Variants in DPYD observed in about 807,000 individuals in gnomAD.
The protein encoded by DPYD is dihydropyrimidine dehydrogenase [NADP(+)].
A neutral mutation model predicts 116.2 loss-of-function variants in DPYD; 109 were observed. The observed-to-expected ratio is 0.94, with a 90% confidence interval of 0.80 to 1.10. DPYD has a LOEUF of 1.10. Among genes scored for constraint, DPYD ranks in the 50% least tolerant of loss-of-function variants. DPYD has a pLI of 0.00. For synonymous variants in DPYD, 440 were observed against 432.0 expected (o/e 1.02, Z -0.23); for missense variants, 1,302 against 1,254.5 (o/e 1.04, Z -0.57).
At chr1:97,232,963 T>C (rs1187738007) in intron 19 of DPYD, among the ~76,000 whole-genome samples, 1 of 152,202 alleles carries the variant, frequency 6.6e-6, no homozygotes, top group Non-Finnish European at 1.5e-5. Flanking sequence ...TCATGAGTAA[T>C]TTTTAATTGA....
At chr1:97,661,248 G>A (rs1229933676) in intron 8 of DPYD, among the ~76,000 whole-genome samples, 2 of 152,014 alleles carry the variant, frequency 1.3e-5, no homozygotes, top group Admixed American at 6.6e-5. Flanking sequence ...ATTTGAAGAG[G>A]GTAAACATAA....
intron 13 of DPYD, among the ~76,000 whole-genome samples, chr1:97,460,517 T>C (rs1260108237): frequency 6.6e-6 from 1 of 152,126 alleles, no homozygotes; most frequent in Non-Finnish European, 1.5e-5. Flanking sequence ...TGAAGTATGG[T>C]GCGTTGATAT....
intron 10 of DPYD, among the ~76,000 whole-genome samples, chr1:97,587,553 C>T (rs1260964877): frequency 3.9e-5 from 6 of 152,110 alleles, no homozygotes; most frequent in East Asian, 3.9e-4. Flanking sequence ...AGGCCACGCA[C>T]GGTGGCTCAC....
chr1:97,354,772 C>A (rs1334066430), intron 16 of DPYD, among the ~76,000 whole-genome samples: 1 of 152,198 alleles, frequency 6.6e-6, no homozygotes, highest in Non-Finnish European at 1.5e-5. Flanking sequence ...CATTTTGTGT[C>A]AAAGGTGAAT....
intron 8 of DPYD, among the ~76,000 whole-genome samples, chr1:97,598,532 GCATTTATA>G (rs940739658): frequency 1.1e-4 from 16 of 150,098 alleles, no homozygotes; most frequent in Non-Finnish European, 2.2e-4. Context: ...GTTTTAGCAT[GCATTTATA>G]CAAAGGAACA....
chr1:97,653,138 T>G (rs72975761), intron 8 of DPYD, among the ~76,000 whole-genome samples: 22,245 of 151,960 alleles, frequency 0.15, 1,785 homozygotes, highest in African/African-American at 0.19. Flanking sequence ...CTTAAACACC[T>G]ATGAGCATCT....
intron 3 of DPYD, among the ~76,000 whole-genome samples, chr1:97,751,460 G>GTGTGTGTGTA (rs763260651): frequency 1.4e-3 from 30 of 21,284 alleles, no homozygotes; most frequent in East Asian, 3.5e-3. Context: ...GTGTGTGTGT[G>GTGTGTGTGTA]TATATATATA....
At chr1:97,628,062 A>G (rs1657037468) in intron 8 of DPYD, among the ~76,000 whole-genome samples, 1 of 152,044 alleles carries the variant, frequency 6.6e-6, no homozygotes, top group African/African-American at 2.4e-5. Flanking sequence ...ACATTGAGGC[A>G]CAGACTCTTC....
chr1:97,104,247 A>G (rs1244673711), intron 20 of DPYD, among the ~76,000 whole-genome samples: 1 of 152,174 alleles, frequency 6.6e-6, no homozygotes, highest in Non-Finnish European at 1.5e-5. Context: ...AATATCTTGA[A>G]TATATTTACA....
chr1:97,720,798 T>A (rs924337584), intron 5 of DPYD: 1 of 1,551,420 alleles, frequency 6.4e-7, no homozygotes, highest in Admixed American at 2.1e-5. Flanking sequence ...TATAAGCTGA[T>A]CATTTAAATG....
chr1:97,592,146 C>T (rs1476583464), intron 10 of DPYD, among the ~76,000 whole-genome samples: 3 of 152,062 alleles, frequency 2.0e-5, no homozygotes, highest in African/African-American at 4.8e-5. Flanking sequence ...TCAGGCATTC[C>T]GAAGCAAGTC....
intron 13 of DPYD, among the ~76,000 whole-genome samples, chr1:97,458,552 G>C (rs547293453): frequency 1.3e-5 from 2 of 152,114 alleles, no homozygotes; most frequent in Non-Finnish European, 2.9e-5. Flanking sequence ...ATCCCTGGTG[G>C]CCTATAAACT....
At chr1:97,698,048 A>G (rs1661400041) in intron 6 of DPYD, among the ~76,000 whole-genome samples, 1 of 152,044 alleles carries the variant, frequency 6.6e-6, no homozygotes, top group South Asian at 2.1e-4. Context: ...TACCATTAAA[A>G]TGATATTCTA....
At chr1:97,385,879 AT>A (rs1412895923) in intron 14 of DPYD, among the ~76,000 whole-genome samples, 1 of 152,128 alleles carries the variant, frequency 6.6e-6, no homozygotes, top group Non-Finnish European at 1.5e-5. Context: ...TAACAGAGCT[AT>A]TTTTGCTTCA....
At chr1:97,711,788 G>GAATAT (rs1490700545) in intron 5 of DPYD, among the ~76,000 whole-genome samples, 1 of 151,758 alleles carries the variant, frequency 6.6e-6, no homozygotes, top group African/African-American at 2.4e-5. Flanking sequence ...ACACGTCCTT[G>GAATAT]TCAATATTAT....
chr1:97,782,832 T>C (rs543975982), intron 3 of DPYD, among the ~76,000 whole-genome samples: 1 of 152,306 alleles, frequency 6.6e-6, no homozygotes, highest in Admixed American at 6.5e-5. Flanking sequence ...GTTACTTTTG[T>C]CTGTAGGAGT....
intron 14 of DPYD, among the ~76,000 whole-genome samples, chr1:97,385,351 G>GA (rs1367068718): frequency 3.7e-5 from 4 of 107,876 alleles, no homozygotes; most frequent in African/African-American, 1.5e-4. Context: ...TATTTGAAAG[G>GA]AAAAATCAAC....
chr1:97,569,026 A>G (rs1652719687), intron 11 of DPYD, among the ~76,000 whole-genome samples: 1 of 152,148 alleles, frequency 6.6e-6, no homozygotes, highest in South Asian at 2.1e-4. Context: ...GAATCACAGA[A>G]TGAGCTAAAG....
At chr1:97,538,880 G>A (rs538265958) in intron 12 of DPYD, among the ~76,000 whole-genome samples, 44 of 152,258 alleles carry the variant, frequency 2.9e-4, no homozygotes, top group Non-Finnish European at 6.0e-4. Context: ...GTTAGTTTCA[G>A]AGGGGGGTTG....
Sources: gnomAD v4.1 joint callset for allele counts (sites outside exome capture counted in the v4.1 genomes callset) on GRCh38, gnomAD v4.1.1 for gene constraint, MANE v1.5 for transcripts, NCBI Gene and HGNC (gene_info 2026-07-23, HGNC 2026-07-21) for gene names.